Variants in C13orf42 observed in about 807,000 individuals in gnomAD.
C13orf42 encodes chromosome 13 open reading frame 42.
intron 1 of C13orf42, among the ~76,000 whole-genome samples, chr13:51,152,929 G>T (rs540848046): frequency 3.3e-4 from 50 of 152,134 alleles, no homozygotes; most frequent in African/African-American, 1.1e-3. Flanking sequence ...CGTCATGTTC[G>T]CGGGCACCCT....
chr13:51,154,484 G>A (rs1006071954), intron 1 of C13orf42, among the ~76,000 whole-genome samples: 12 of 152,126 alleles, frequency 7.9e-5, no homozygotes, highest in Non-Finnish European at 1.3e-4. Context: ...TCACAGTGTC[G>A]GAGGACTGTT....
chr13:51,143,807 G>A (rs1457782867), intron 1 of C13orf42, among the ~76,000 whole-genome samples: 1 of 152,078 alleles, frequency 6.6e-6, no homozygotes, highest in Non-Finnish European at 1.5e-5. Context: ...ATGACATAAT[G>A]TGGCTTATTT....
At chr13:51,158,034 C>T (rs921458809) in intron 1 of C13orf42, among the ~76,000 whole-genome samples, 2 of 152,184 alleles carry the variant, frequency 1.3e-5, no homozygotes, top group African/African-American at 4.8e-5. Context: ...CCAGGCTTTG[C>T]CACATTATTC....
chr13:51,103,952 T>C (rs1953321336), intron 1 of C13orf42, among the ~76,000 whole-genome samples: 1 of 152,186 alleles, frequency 6.6e-6, no homozygotes, highest in Non-Finnish European at 1.5e-5. Flanking sequence ...TGGAGATGGA[T>C]GGTAGTGATC....
At chr13:51,104,006 G>A (rs1408471154) in intron 1 of C13orf42, among the ~76,000 whole-genome samples, 3 of 152,136 alleles carry the variant, frequency 2.0e-5, no homozygotes, top group African/African-American at 4.8e-5. Flanking sequence ...TGCATTGTAC[G>A]CTTTAAAATA....
chr13:51,153,444 C>CAG lies in C13orf42; in HGVS notation n.136+18807_136+18808dup, dbSNP rs143095880. ...CTCAATACCAAATAAAAAAACATGA[C>CAG]AGAGAGAGAGAGAGAGACAGAGATA... On this transcript the variant is annotated intron_variant and non_coding_transcript_variant, in intron 1 of 4. Transcript: ENST00000433280. 4.7e-3 allele frequency among the ~76,000 whole-genome samples: 697 copies of CAG among 149,674 alleles called. 5 individuals carry two copies. The highest frequency in any genetic ancestry group is 0.013 in the African/African-American group (519 of 40,952).
At chr13:51,157,212 T>C (rs1953830895) in intron 1 of C13orf42, among the ~76,000 whole-genome samples, 1 of 152,074 alleles carries the variant, frequency 6.6e-6, no homozygotes, top group Admixed American at 6.6e-5. Flanking sequence ...GGCGGACGGA[T>C]CGTTTGAGGT....
At chr13:51,129,354 C>T (rs940159980) in intron 1 of C13orf42, among the ~76,000 whole-genome samples, 14 of 152,056 alleles carry the variant, frequency 9.2e-5, no homozygotes, top group Non-Finnish European at 1.3e-4. Context: ...TGGCAGCTGC[C>T]GGTGACAGAA....
chr13:51,096,037 A>G (rs955534537), intron 1 of C13orf42, among the ~76,000 whole-genome samples: 3 of 152,148 alleles, frequency 2.0e-5, no homozygotes, highest in Non-Finnish European at 4.4e-5. Context: ...GTCAATCTAG[A>G]TAAGATTTTA....
chr13:51,088,095 GAA>G lies in C13orf42; in HGVS notation c.415-22_415-21del. The stretch of plus-strand genomic sequence containing the variant: ...TGCTTTCTGCAAGAGGTGAAGGGGA[GAA>G]GAGAGAGTTGCCTGAGCCAGTAAGC... On this transcript the variant is annotated intron_variant, in intron 1 of 3. Coordinates refer to ENST00000563710, the MANE Select transcript of C13orf42 (RefSeq NM_001351589.3). 1 of 398,786 alleles carries G rather than the reference GAA, an allele frequency of 2.5e-6. No homozygotes were observed. Among genetic ancestry groups the G allele is most frequent in the Non-Finnish European group, 4.4e-6 (1 of 226,182 alleles). The allele number at this position is 398,786 out of a possible 1,614,324, so 24.7% of individuals were successfully genotyped here. A position where few individuals can be genotyped will look rare whatever the true frequency, so the allele number is the denominator to read the frequency against.
upstream of C13orf42, chr13:51,113,359 T>C (rs1318264859): frequency 1.3e-5 from 2 of 152,208 alleles, no homozygotes; most frequent in African/African-American, 2.4e-5. Flanking sequence ...GCCAGTCCTG[T>C]CCTGAAGCCG....
Position 51,171,351 on chromosome 13 carries a change from C to T in C13orf42, n.136+902G>A, listed in dbSNP as rs572743255. Among the ~76,000 whole-genome samples, 8 of 152,198 alleles carry T rather than the reference C, an allele frequency of 5.3e-5. No homozygotes were observed. In the South Asian group the frequency reaches 1.0e-3, roughly 20 times the overall value. Reference sequence around the variant, plus strand: ...TAATTCTTGTCGTAAAATAGGCAAACGGTCTGAGGTGCCTGACGTCCAGGC... The same window carrying T: ...TAATTCTTGTCGTAAAATAGGCAAATGGTCTGAGGTGCCTGACGTCCAGGC... On this transcript the variant is annotated intron_variant and non_coding_transcript_variant, in intron 1 of 4. Transcript: ENST00000433280.
intron 1 of C13orf42, among the ~76,000 whole-genome samples, chr13:51,151,790 G>A (rs2138038960): frequency 6.6e-6 from 1 of 152,360 alleles, no homozygotes; most frequent in South Asian, 2.1e-4. Flanking sequence ...TGGAGCAGAG[G>A]AGACATTTCA....
intron 1 of C13orf42, among the ~76,000 whole-genome samples, chr13:51,146,190 A>T (rs112332080): frequency 0.5 from 75,239 of 151,482 alleles, 18,849 homozygotes; most frequent in African/African-American, 0.56. Flanking sequence ...AAAGGCACCC[A>T]AAATTAACCT....
At chr13:51,121,964 G>A (rs995675538) in intron 1 of C13orf42, among the ~76,000 whole-genome samples, 7 of 152,098 alleles carry the variant, frequency 4.6e-5, no homozygotes, top group South Asian at 2.1e-4. Context: ...TGTAATAAGC[G>A]GAAAAAGTCC....
At chr13:51,145,620 G>A (rs1953728171) in intron 1 of C13orf42, among the ~76,000 whole-genome samples, 1 of 152,134 alleles carries the variant, frequency 6.6e-6, no homozygotes, top group Non-Finnish European at 1.5e-5. Flanking sequence ...AACTGCTTAG[G>A]GCAAACTTGC....
chr13:51,097,593 G>T (rs761024632), intron 1 of C13orf42, among the ~76,000 whole-genome samples: 1 of 152,022 alleles, frequency 6.6e-6, no homozygotes, highest in Non-Finnish European at 1.5e-5. Flanking sequence ...ATTCCTTCAG[G>T]GCTCAGGCTA....
At chr13:51,103,533 T>C (rs1039941740) in intron 1 of C13orf42, among the ~76,000 whole-genome samples, 4 of 152,074 alleles carry the variant, frequency 2.6e-5, no homozygotes, top group Admixed American at 1.3e-4. Flanking sequence ...AAACCCCGTC[T>C]CTACTAAAAA....
intron 1 of C13orf42, among the ~76,000 whole-genome samples, chr13:51,106,543 C>A (rs1453170044): frequency 6.6e-6 from 1 of 152,198 alleles, no homozygotes; most frequent in East Asian, 1.9e-4. Flanking sequence ...CATGGCCTTA[C>A]ACAAATCTCT....
Sources: gnomAD v4.1 joint callset for allele counts (sites outside exome capture counted in the v4.1 genomes callset) on GRCh38, gnomAD v4.1.1 for gene constraint, MANE v1.5 for transcripts, NCBI Gene and HGNC (gene_info 2026-07-23, HGNC 2026-07-21) for gene names.